HAP1: variants seen among roughly 807,000 people sequenced by gnomAD.
HAP1 encodes the protein huntingtin associated protein 1.
In HAP1, 59 loss-of-function variants were observed where a neutral mutation model predicts 60.3. The ratio of observed to expected loss-of-function variants is 0.98; its 90% confidence interval spans 0.79 to 1.22. The LOEUF is 1.22. Ranked by LOEUF, HAP1 falls within the 50% of genes most tolerant of loss-of-function variation. The probability of loss-of-function intolerance (pLI) is 0.00; values close to 1 mark genes in which losing one functional copy is unlikely to be tolerated. For missense variants in HAP1, 825 were observed against 785.3 expected (o/e 1.05, Z -0.60); for synonymous variants, 346 against 330.6 (o/e 1.05, Z -0.50).
At chr17:41,725,977 C>G in intron 9 of HAP1, 80 bp from the exon 10 acceptor site, 1 of 1,082,424 alleles carries the variant, frequency 9.2e-7, no homozygotes, top group Admixed American at 1.7e-5. Flanking sequence ...AGCTGAAGAA[C>G]CTTAGGTAGT....
At chr17:41,734,108 TCCTC>T in intron 1 of HAP1, 54 bp downstream of exon 1, 1 of 1,406,214 alleles carries the variant, frequency 7.1e-7, no homozygotes, top group East Asian at 2.4e-5. Context: ...TGGGGCCACT[TCCTC>T]CCTGGAGTTG....
rs782215696 is a variant in HAP1, at chr17:41,727,870, G to A, written c.1201-34C>T. The stretch of plus-strand genomic sequence containing the variant: ...ACCCAAAACCAGTGAACCCCCATCT[G>A]AGGCCTACCCACTCAGGGCACCCCC... On this transcript the variant is annotated intron_variant, in intron 7 of 10. Transcript: ENST00000347901. 6 of 1,340,790 alleles carry A rather than the reference G, an allele frequency of 4.5e-6. No individual in the cohort carries two copies. The Admixed American group carries it at 6.7e-5, about 15-fold the overall frequency. The allele number at this position is 1,340,790 out of a possible 1,614,324, so 83.1% of individuals were successfully genotyped here.
chr17:41,727,346 G>A (rs782032504), intron 8 of HAP1: 3 of 780,820 alleles, frequency 3.8e-6, no homozygotes, highest in Non-Finnish European at 7.2e-6. Flanking sequence ...TGGACACTGG[G>A]GGTTGCTGGC....
In HAP1 at chr17:41,724,596, A is replaced by G. The variant is rs966340921; in HGVS notation, c.*105T>C. ...ACTACGGTTCCCACTGAAGGGGATC[A>G]GAGGTGTCTATGCAAATGATATGCA... On this transcript the variant is annotated 3_prime_UTR_variant, in exon 11 of 11. Transcript: ENST00000347901. The G allele has an allele frequency of 1.3e-6, 1 of 782,160 alleles. No homozygotes were observed. The highest frequency in any genetic ancestry group is 1.8e-5 in the African/African-American group (1 of 56,850). 48.5% of individuals were successfully genotyped at this position (782,160 alleles called of 1,614,324 possible). A position where few individuals can be genotyped will look rare whatever the true frequency, so the allele number is the denominator to read the frequency against.
chr17:41,732,160 G>A, intron 3 of HAP1, 42 bp from the exon 4 acceptor site: 1 of 1,610,104 alleles, frequency 6.2e-7, no homozygotes, highest in Non-Finnish European at 8.5e-7. Flanking sequence ...GAGTGGGCAG[G>A]GACAGGAGAG....
intron 9 of HAP1, among the ~76,000 whole-genome samples, chr17:41,726,455 G>A (rs1272231695): frequency 2.0e-5 from 3 of 151,248 alleles, no homozygotes; most frequent in Non-Finnish European, 4.4e-5. Flanking sequence ...CCAACTACTT[G>A]GAAGGCTGAG....
At chr17:41,733,445 C>T (rs1286478691) in intron 1 of HAP1, among the ~76,000 whole-genome samples, 15 of 148,412 alleles carry the variant, frequency 1.0e-4, no homozygotes, top group African/African-American at 3.7e-4. Context: ...CTCCGGACAC[C>T]TGGGTCCCTG....
chr17:41,729,549 C>CAAAAAAAAA (rs1162563636), intron 6 of HAP1, among the ~76,000 whole-genome samples: 4,011 of 63,038 alleles, frequency 0.064, 1,188 homozygotes, highest in Non-Finnish European at 0.083. Flanking sequence ...GCCTCCTTCT[C>CAAAAAAAAA]AAAAAAAAAA....
Position 41,732,803 on chromosome 17 carries a change from A to G in HAP1, c.470-5T>C, listed in dbSNP as rs782170602. The G allele has an allele frequency of 2.6e-6, 4 of 1,567,058 alleles. No individual in the cohort carries two copies. Among genetic ancestry groups the G allele is most frequent in the Non-Finnish European group, 3.5e-6 (4 of 1,137,276 alleles). ...GAGGTAGGTTAGGACACAGTGCTGCAGGAGGCGGCAGGTGGGGAGAAAAGG... is the reference window on the plus strand; with the variant it reads ...GAGGTAGGTTAGGACACAGTGCTGCGGGAGGCGGCAGGTGGGGAGAAAAGG... On this transcript the variant is annotated splice_region_variant and splice_polypyrimidine_tract_variant and intron_variant, in intron 1 of 10. Transcript: ENST00000347901.
In HAP1 at chr17:41,734,270, G is replaced by C; in HGVS notation, c.365C>G (p.Thr122Ser). Reference protein sequence around the residue: ...PFGSRATGRGTGKAAGIWKTP... With the variant: ...PFGSRATGRGSGKAAGIWKTP... ...CTTCCAGATGCCCGCTGCCTTTCCAGTCCCCCGGCCAGTGGCCCGGGAACC... is the reference window on the plus strand; with the variant it reads ...CTTCCAGATGCCCGCTGCCTTTCCACTCCCCCGGCCAGTGGCCCGGGAACC... Residue 122 changes from threonine to serine, a missense_variant, in exon 1 of 11, where the codon ACT (threonine) becomes AGT (serine). Coordinates refer to ENST00000347901, the MANE Select transcript of HAP1 (RefSeq NM_177977.3). 8.7e-6 allele frequency: 14 copies of C among 1,607,572 alleles called. No individual in the cohort carries two copies. The highest frequency in any genetic ancestry group is 1.2e-5 in the Non-Finnish European group (14 of 1,176,774).
chr17:41,725,741 G>C, intron 10 of HAP1, 118 bp downstream of exon 10: 1 of 803,954 alleles, frequency 1.2e-6, no homozygotes, highest in Non-Finnish European at 2.2e-6. Context: ...TCTCAGTTCA[G>C]CCAGCCGAGA....
downstream of HAP1, among the ~76,000 whole-genome samples, chr17:41,719,585 C>T (rs532555771): frequency 1.7e-3 from 266 of 152,018 alleles, 1 homozygote; most frequent in African/African-American, 6.1e-3. Flanking sequence ...CCCAGCTACT[C>T]AGGAGGCTGA....
At chr17:41,730,683 A>C (rs1912126340) in intron 6 of HAP1, among the ~76,000 whole-genome samples, 1 of 152,202 alleles carries the variant, frequency 6.6e-6, no homozygotes, top group African/African-American at 2.4e-5. Flanking sequence ...GCAGGAGTTC[A>C]GCTGTTGCCA....
intron 1 of HAP1, 25 bp from the exon 2 acceptor site, chr17:41,732,823 A>T: frequency 7.3e-7 from 1 of 1,364,516 alleles, no homozygotes; most frequent in Non-Finnish European, 1.0e-6. Context: ...AGGTGGGGAG[A>T]AAAGGCCCAG....
chr17:41,732,962 C>T (rs1389460761), intron 1 of HAP1, among the ~76,000 whole-genome samples, 164 bp from the exon 2 acceptor site: 1 of 151,944 alleles, frequency 6.6e-6, no homozygotes, highest in African/African-American at 2.4e-5. Flanking sequence ...CTCCCCTTAC[C>T]CCTCGGCACT....
At chr17:41,718,894 CAA>C (rs147864463), downstream of HAP1, among the ~76,000 whole-genome samples, 3,603 of 152,316 alleles carry the variant, frequency 0.024, 143 homozygotes, top group African/African-American at 0.082. Context: ...GCTCTGAACA[CAA>C]GAGTACTGGT....
At position 41,727,589 on chromosome 17, in the gene HAP1, C is replaced by T. The variant is rs182036541; in HGVS notation, c.1275+173G>A. 6.7e-5 allele frequency: 44 copies of T among 657,572 alleles called. No individual in the cohort carries two copies. The East Asian group carries it at 1.1e-3, about 17-fold the overall frequency. 40.7% of individuals were successfully genotyped at this position (657,572 alleles called of 1,614,324 possible). On this transcript the variant is annotated intron_variant, in intron 8 of 10. Transcript: ENST00000347901. ...GTCCCTGCACTCCACACCACTCAGA[C>T]CTTGATGGAACTGTCACCTGCTGGG... is the stretch of plus-strand genomic sequence containing the variant.
intron 6 of HAP1, among the ~76,000 whole-genome samples, chr17:41,729,204 G>T (rs1164367119): frequency 9.3e-5 from 14 of 150,324 alleles, no homozygotes; most frequent in Non-Finnish European, 1.3e-4. Flanking sequence ...GCCTCCCAAA[G>T]TGCTGGGATT....
intron 10 of HAP1, 85 bp from the exon 11 acceptor site, chr17:41,725,239 G>A (rs1369537570): frequency 2.9e-5 from 32 of 1,102,436 alleles, no homozygotes; most frequent in Admixed American, 1.5e-4. Flanking sequence ...CACAGATCCT[G>A]ATGGTTCCTC....
Sources: allele counts gnomAD v4.1 joint callset (sites outside exome capture counted in the v4.1 genomes callset), GRCh38; gene constraint gnomAD v4.1.1; transcripts MANE v1.5; gene names NCBI Gene and HGNC (gene_info 2026-07-23, HGNC 2026-07-21).